The following LRP1B variants were observed in gnomAD, a reference collection of about 807,000 sequenced individuals.
LRP1B encodes LDL receptor related protein 1B.
In LRP1B, 217 loss-of-function variants were observed where a neutral mutation model predicts 556.6. The ratio of observed to expected loss-of-function variants is 0.39; its 90% confidence interval spans 0.35 to 0.44. The LOEUF (loss-of-function observed/expected upper bound fraction) is 0.44, where lower values mean the gene tolerates loss of function less well. LRP1B is among the 20% of genes least tolerant of loss of function. The pLI, the probability that LRP1B is intolerant of heterozygous loss-of-function variation, is 1.00. For missense variants in LRP1B, 5,053 were observed against 5,620.8 expected (o/e 0.90, Z 3.23); for synonymous variants, 2,047 against 1,865.8 (o/e 1.10, Z -2.50).
At chr2:141,695,889 A>G (rs1388965830) in intron 2 of LRP1B, among the ~76,000 whole-genome samples, 1 of 151,972 alleles carries the variant, frequency 6.6e-6, no homozygotes, top group Non-Finnish European at 1.5e-5. Context: ...TATAAGCACA[A>G]TATCTTCCAT....
chr2:140,943,509 C>A (rs1326178758), intron 20 of LRP1B, among the ~76,000 whole-genome samples: 2 of 151,950 alleles, frequency 1.3e-5, no homozygotes, highest in African/African-American at 4.8e-5. Flanking sequence ...CTAAGATCAA[C>A]CACAAGCTCA....
At chr2:141,551,432 T>G (rs1020702564) in intron 2 of LRP1B, among the ~76,000 whole-genome samples, 1 of 152,062 alleles carries the variant, frequency 6.6e-6, no homozygotes, top group African/African-American at 2.4e-5. Flanking sequence ...TTATAGAAAT[T>G]AATAAATGCC....
At chr2:142,112,130 C>A (rs1021979151) in intron 1 of LRP1B, among the ~76,000 whole-genome samples, 1 of 151,978 alleles carries the variant, frequency 6.6e-6, no homozygotes, top group Non-Finnish European at 1.5e-5. Context: ...TATACAGATG[C>A]CTAACACCAC....
At chr2:140,513,312 C>G (rs939668243) in intron 51 of LRP1B, among the ~76,000 whole-genome samples, 3 of 152,014 alleles carry the variant, frequency 2.0e-5, no homozygotes, top group Admixed American at 1.3e-4. Context: ...AATACTGTGT[C>G]CACTCAGAAA....
intron 31 of LRP1B, among the ~76,000 whole-genome samples, chr2:140,831,482 G>A (rs1033514957): frequency 1.1e-4 from 17 of 152,092 alleles, no homozygotes; most frequent in Admixed American, 7.9e-4. Flanking sequence ...GCAGAAGAAT[G>A]AGACTAGATT....
chr2:141,246,350 T>C (rs1400153276), intron 5 of LRP1B, among the ~76,000 whole-genome samples: 1 of 152,120 alleles, frequency 6.6e-6, no homozygotes, highest in Non-Finnish European at 1.5e-5. Flanking sequence ...CTGGCATTGA[T>C]GATGAAACAA....
chr2:141,378,782 A>G (rs764754459), intron 3 of LRP1B, among the ~76,000 whole-genome samples: 6 of 152,202 alleles, frequency 3.9e-5, no homozygotes, highest in African/African-American at 7.2e-5. Context: ...AGAAGAAAGA[A>G]TACATGAACT....
chr2:141,738,036 C>G (rs1323651133), intron 2 of LRP1B, among the ~76,000 whole-genome samples: 1 of 151,706 alleles, frequency 6.6e-6, no homozygotes, highest in Non-Finnish European at 1.5e-5. Flanking sequence ...TCTTGCTGAG[C>G]CACATGCAAT....
At chr2:141,920,105 A>C (rs1438418849) in intron 1 of LRP1B, among the ~76,000 whole-genome samples, 1 of 151,730 alleles carries the variant, frequency 6.6e-6, no homozygotes, top group Non-Finnish European at 1.5e-5. Context: ...CCAGTACCTT[A>C]TGTGTTTCCT....
intron 79 of LRP1B, among the ~76,000 whole-genome samples, chr2:140,327,336 A>ACT (rs771443562): frequency 6.6e-6 from 1 of 152,114 alleles, no homozygotes; most frequent in Non-Finnish European, 1.5e-5. Context: ...ATGTAATCGA[A>ACT]CTAAATATTT....
intron 83 of LRP1B, among the ~76,000 whole-genome samples, chr2:140,312,212 T>A (rs1684332789): frequency 6.6e-6 from 1 of 151,964 alleles, no homozygotes; most frequent in Non-Finnish European, 1.5e-5. Flanking sequence ...CACTTTCACT[T>A]CTTAACCTAG....
chr2:141,338,221 T>A (rs1003249564), intron 3 of LRP1B, among the ~76,000 whole-genome samples: 2 of 151,944 alleles, frequency 1.3e-5, no homozygotes, highest in African/African-American at 2.4e-5. Flanking sequence ...TCCCTCAGAG[T>A]TTTGGTTTCT....
At chr2:140,756,479 AATAG>A (rs1688743928) in intron 35 of LRP1B, among the ~76,000 whole-genome samples, 1 of 152,086 alleles carries the variant, frequency 6.6e-6, no homozygotes. Flanking sequence ...ATAAAAATAA[AATAG>A]ATATATAGAT....
chr2:140,345,675 G>T lies in LRP1B; in HGVS notation c.11892+5122C>A, dbSNP rs939842126. 4.2e-5 allele frequency among the ~76,000 whole-genome samples: 6 copies of T among 141,974 alleles called. No individual in the cohort carries two copies. In the East Asian group the frequency reaches 8.1e-4, roughly 19 times the overall value. 93.1% of individuals were successfully genotyped at this position (141,974 alleles called of 152,430 possible). A position where few individuals can be genotyped will look rare whatever the true frequency, so the allele number is the denominator to read the frequency against. On this transcript the variant is annotated intron_variant, in intron 77 of 90. Transcript: ENST00000389484. ...ATGTGTGTGTGTATATATATATATA[G>T]ATATATATATAAAATTCATGTCCTC...
intron 33 of LRP1B, among the ~76,000 whole-genome samples, chr2:140,773,532 C>T (rs1005292533): frequency 6.6e-5 from 10 of 151,290 alleles, no homozygotes; most frequent in African/African-American, 2.2e-4. Flanking sequence ...AGCAAAAATA[C>T]GTGAAAAAAA....
intron 2 of LRP1B, among the ~76,000 whole-genome samples, chr2:141,722,711 TAGAC>T (rs966675186): frequency 5.4e-5 from 8 of 149,436 alleles, no homozygotes; most frequent in Non-Finnish European, 7.4e-5. Flanking sequence ...ATAAGACAGA[TAGAC>T]AGGCAGATAG....
At chr2:141,513,788 G>C (rs1684212084) in intron 2 of LRP1B, among the ~76,000 whole-genome samples, 1 of 152,052 alleles carries the variant, frequency 6.6e-6, no homozygotes, top group African/African-American at 2.4e-5. Context: ...TTCAGGGAAG[G>C]ATCTCAGTTC....
In LRP1B at chr2:141,282,710, C is replaced by T. The variant is rs1218042408; in HGVS notation, c.344-28069G>A. On this transcript the variant is annotated intron_variant, in intron 3 of 90. Transcript: ENST00000389484. The stretch of plus-strand genomic sequence containing the variant: ...AAAGTGCAGAGGAAGGAGAGAATCT[C>T]ATGGTCTATAGTAAGTTGAGCAAAT... 3.3e-5 allele frequency among the ~76,000 whole-genome samples: 5 copies of T among 152,042 alleles called. No individual in the cohort carries two copies. The East Asian group carries it at 9.7e-4, about 29-fold the overall frequency.
At chr2:140,621,060 G>GT (rs1187444338) in intron 41 of LRP1B, among the ~76,000 whole-genome samples, 2 of 151,898 alleles carry the variant, frequency 1.3e-5, no homozygotes, top group South Asian at 2.1e-4. Context: ...TAAAGTAACA[G>GT]TTTTTTTAAC....
Sources: allele counts gnomAD v4.1 joint callset (sites outside exome capture counted in the v4.1 genomes callset), GRCh38; gene constraint gnomAD v4.1.1; transcripts MANE v1.5; gene names NCBI Gene and HGNC (gene_info 2026-07-23, HGNC 2026-07-21).